GABRB1: variants seen among roughly 807,000 people sequenced by gnomAD.
The protein encoded by GABRB1 is gamma-aminobutyric acid receptor subunit beta-1.
GABRB1 carries 17 observed loss-of-function variants against 51.6 expected under a neutral mutation model. The ratio of observed to expected loss-of-function variants is 0.33; its 90% CI spans 0.23 to 0.49. GABRB1 has a LOEUF of 0.49. Among genes scored for constraint, GABRB1 ranks in the 20% least tolerant of loss-of-function variants. GABRB1 has a pLI of 0.99. For synonymous variants in GABRB1, 247 were observed against 218.9 expected, an observed-to-expected ratio of 1.13 and a Z score of -1.14; for missense variants, 410 against 600.6, an observed-to-expected ratio of 0.68 and a Z score of 3.32.
intron 4 of GABRB1, among the ~76,000 whole-genome samples, chr4:47,171,813 A>G (rs1241619004): frequency 1.3e-5 from 2 of 152,270 alleles, no homozygotes; most frequent in East Asian, 3.9e-4. Context: ...TTATCAAAAT[A>G]AAAGCCTAAG....
chr4:47,037,550 G>GTT (rs1266111690), intron 3 of GABRB1, among the ~76,000 whole-genome samples: 31 of 21,748 alleles, frequency 1.4e-3, no homozygotes, highest in Admixed American at 1.8e-3. Flanking sequence ...TGTTGTTGTT[G>GTT]TTTTTTGTTT....
intron 8 of GABRB1, among the ~76,000 whole-genome samples, chr4:47,425,377 C>CACA (rs1729233262): frequency 7.2e-6 from 1 of 138,332 alleles, no homozygotes; most frequent in Non-Finnish European, 1.6e-5. Context: ...AGAAGAAATA[C>CACA]CACACACACA....
intron 3 of GABRB1, among the ~76,000 whole-genome samples, chr4:47,107,709 A>C (rs2109620176): frequency 6.6e-6 from 1 of 152,158 alleles, no homozygotes; most frequent in African/African-American, 2.4e-5. Flanking sequence ...ATGATCTGTA[A>C]GAATTAACTA....
At chr4:47,121,987 A>G (rs1187611855) in intron 3 of GABRB1, among the ~76,000 whole-genome samples, 1 of 84,294 alleles carries the variant, frequency 1.2e-5, no homozygotes, top group East Asian at 3.1e-4. Context: ...TACCCAGAAA[A>G]AAGGCATGTC....
chr4:47,260,281 A>G (rs1401032990), intron 4 of GABRB1, among the ~76,000 whole-genome samples: 2 of 151,828 alleles, frequency 1.3e-5, no homozygotes. Context: ...TCTTTATCCA[A>G]TTTGCCAGTC....
intron 3 of GABRB1, among the ~76,000 whole-genome samples, chr4:47,117,692 A>C (rs926417275): frequency 2.6e-5 from 4 of 152,214 alleles, no homozygotes; most frequent in African/African-American, 9.6e-5. Flanking sequence ...ATTTTTATGT[A>C]ATAAGGTTTG....
intron 5 of GABRB1, among the ~76,000 whole-genome samples, chr4:47,356,920 G>A (rs946217767): frequency 6.6e-6 from 1 of 152,102 alleles, no homozygotes; most frequent in Non-Finnish European, 1.5e-5. Flanking sequence ...CAAGACATAT[G>A]TTTTGTCCAA....
intron 4 of GABRB1, among the ~76,000 whole-genome samples, chr4:47,184,792 G>A (rs573692015): frequency 5.8e-4 from 88 of 151,938 alleles, no homozygotes; most frequent in South Asian, 8.3e-4. Context: ...ACGGAAATAC[G>A]CCTGAATTTT....
At chr4:47,388,946 A>C (rs1477132445) in intron 5 of GABRB1, among the ~76,000 whole-genome samples, 3 of 152,236 alleles carry the variant, frequency 2.0e-5, no homozygotes, top group Non-Finnish European at 4.4e-5. Flanking sequence ...ACTCTCCAAG[A>C]AGATGAATTT....
chr4:47,348,242 A>G (rs1365708820), intron 5 of GABRB1, among the ~76,000 whole-genome samples: 2 of 152,142 alleles, frequency 1.3e-5, no homozygotes, highest in African/African-American at 4.8e-5. Flanking sequence ...CATTATTTTT[A>G]ATTGTATTAA....
At chr4:47,380,888 T>A (rs1051787548) in intron 5 of GABRB1, among the ~76,000 whole-genome samples, 3 of 152,202 alleles carry the variant, frequency 2.0e-5, no homozygotes, top group Non-Finnish European at 4.4e-5. Flanking sequence ...TTGGTTTTTA[T>A]GATTTTATTT....
intron 4 of GABRB1, among the ~76,000 whole-genome samples, chr4:47,317,326 C>T (rs1001193765): frequency 2.6e-5 from 4 of 151,926 alleles, no homozygotes; most frequent in African/African-American, 9.7e-5. Flanking sequence ...ATATTCCCCT[C>T]TTGACAATTT....
intron 5 of GABRB1, among the ~76,000 whole-genome samples, chr4:47,349,134 T>C (rs779366660): frequency 2.6e-4 from 39 of 152,220 alleles, no homozygotes; most frequent in Non-Finnish European, 4.9e-4. Flanking sequence ...GATACAGGTC[T>C]GGAGCACAGA....
chr4:47,243,285 T>C (rs903642218), intron 4 of GABRB1, among the ~76,000 whole-genome samples: 5 of 152,222 alleles, frequency 3.3e-5, no homozygotes, highest in African/African-American at 1.2e-4. Flanking sequence ...TTTTGGTTAC[T>C]GTAGGCTTGT....
At chr4:47,293,286 C>A (rs1439335225) in intron 4 of GABRB1, among the ~76,000 whole-genome samples, 2 of 152,080 alleles carry the variant, frequency 1.3e-5, no homozygotes, top group African/African-American at 4.8e-5. Flanking sequence ...GGATTACAGG[C>A]ATGTGCCATA....
At chr4:47,031,504 A>G (rs1053771281), upstream of GABRB1, 8 of 659,638 alleles carry the variant, frequency 1.2e-5, no homozygotes, top group Admixed American at 1.8e-4. Context: ...TCCACTAGGA[A>G]TATTGTTTGC....
chr4:47,378,333 G>A (rs549897385), intron 5 of GABRB1, among the ~76,000 whole-genome samples: 6 of 152,322 alleles, frequency 3.9e-5, no homozygotes, highest in Middle Eastern at 6.8e-3. Flanking sequence ...CGGCAGGGCC[G>A]GCCGGCCGCT....
Position 47,171,774 on chromosome 4 carries a change from C to T in GABRB1, c.461+10305C>T, listed in dbSNP as rs150623073. On this transcript the variant is annotated intron_variant, in intron 4 of 8. Transcript: ENST00000295454. ...TATAGAATTGAGATAATACTATCGC[C>T]TATGTAACACATGTTGCTTACATCA... is the stretch of plus-strand genomic sequence containing the variant. 3.3e-5 allele frequency among the ~76,000 whole-genome samples: 5 copies of T among 152,152 alleles called. No individual in the cohort carries two copies. In the East Asian group the frequency reaches 9.7e-4, roughly 29 times the overall value.
intron 4 of GABRB1, among the ~76,000 whole-genome samples, chr4:47,180,332 T>A (rs887865237): frequency 2.0e-5 from 3 of 152,134 alleles, no homozygotes; most frequent in Admixed American, 6.6e-5. Flanking sequence ...ATGTAATGAG[T>A]CATATTAAGA....
Sources: gnomAD v4.1 joint callset for allele counts (sites outside exome capture counted in the v4.1 genomes callset) on GRCh38, gnomAD v4.1.1 for gene constraint, MANE v1.5 for transcripts, NCBI Gene and HGNC (gene_info 2026-07-23, HGNC 2026-07-21) for gene names.